PTPRK: variants seen among roughly 807,000 people sequenced by gnomAD.
The protein encoded by PTPRK is protein tyrosine phosphatase receptor type K, also known as receptor-type tyrosine-protein phosphatase kappa.
Under a neutral mutation model 178.0 loss-of-function variants are expected in PTPRK, and 75 were observed. The ratio of observed to expected loss-of-function variants is 0.42; its 90% CI spans 0.35 to 0.51. The LOEUF (loss-of-function observed/expected upper bound fraction) is 0.51. Ranked by LOEUF, PTPRK falls within the 20% of genes least tolerant of loss-of-function variation. The pLI is 0.02. For missense variants in PTPRK, 1,441 were observed against 1,797.8 expected (o/e 0.80, Z 3.59); for synonymous variants, 637 against 620.6 (o/e 1.03, Z -0.39).
intron 13 of PTPRK, among the ~76,000 whole-genome samples, chr6:128,022,223 G>A (rs2114765207): frequency 6.6e-6 from 1 of 152,280 alleles, no homozygotes; most frequent in African/African-American, 2.4e-5. Flanking sequence ...CCTGTTAGTG[G>A]CACAGTTGGA....
At chr6:128,194,046 G>T (rs902222239) in intron 6 of PTPRK, among the ~76,000 whole-genome samples, 1 of 141,958 alleles carries the variant, frequency 7.0e-6, no homozygotes, top group African/African-American at 2.7e-5. Context: ...ATGATAAATC[G>T]CAATAATATT....
intron 3 of PTPRK, among the ~76,000 whole-genome samples, chr6:128,298,408 C>T (rs368206987): frequency 2.0e-5 from 3 of 150,788 alleles, no homozygotes; most frequent in East Asian, 1.9e-4. Flanking sequence ...ATACCAAAGC[C>T]GGGCAGAGAC....
intron 14 of PTPRK, chr6:128,005,964 T>C: frequency 7.7e-7 from 1 of 1,290,960 alleles, no homozygotes; most frequent in Non-Finnish European, 1.0e-6. Context: ...TGTTTTGTTT[T>C]TGAAAAGGGA....
At chr6:128,045,878 G>T (rs927433732) in intron 13 of PTPRK, among the ~76,000 whole-genome samples, 2 of 151,972 alleles carry the variant, frequency 1.3e-5, no homozygotes, top group South Asian at 4.2e-4. Flanking sequence ...TTGACCACTC[G>T]TTAGCCTTTA....
At chr6:128,494,909 G>A (rs1268245274) in intron 1 of PTPRK, among the ~76,000 whole-genome samples, 1 of 152,140 alleles carries the variant, frequency 6.6e-6, no homozygotes, top group Non-Finnish European at 1.5e-5. Flanking sequence ...ACATTAGTAA[G>A]CAGTCACATT....
intron 2 of PTPRK, among the ~76,000 whole-genome samples, chr6:128,334,556 G>A (rs1221135043): frequency 2.0e-5 from 3 of 152,076 alleles, no homozygotes; most frequent in African/African-American, 4.8e-5. Context: ...ATAAGTAAAT[G>A]GCAAGTAATG....
rs139236389 is a variant in PTPRK, at chr6:128,401,137, A to G, written c.101-3449T>C. ...TACGCCAATCAATCAACTAAGGGAC[A>G]GATCTATCACCGAAATGGTCTGTTT... On this transcript the variant is annotated intron_variant, in intron 1 of 29. Coordinates refer to ENST00000368226, the MANE Select transcript of PTPRK (RefSeq NM_002844.4). 2.8e-3 allele frequency among the ~76,000 whole-genome samples: 422 copies of G among 152,312 alleles called. 2 individuals carry two copies. The highest frequency in any genetic ancestry group is 9.9e-3 in the African/African-American group (410 of 41,562).
intron 5 of PTPRK, among the ~76,000 whole-genome samples, chr6:128,222,011 C>T (rs961166721): frequency 6.6e-6 from 1 of 152,158 alleles, no homozygotes; most frequent in African/African-American, 2.4e-5. Flanking sequence ...ATCTGGGCTT[C>T]CTCTAGCTTA....
intron 7 of PTPRK, among the ~76,000 whole-genome samples, chr6:128,118,608 T>C (rs181224589): frequency 1.2e-3 from 186 of 152,328 alleles, no homozygotes; most frequent in Middle Eastern, 6.8e-3. Context: ...ATGTTCTTAA[T>C]CTATTCTTGT....
At chr6:127,992,160 T>C (rs1286871338) in intron 19 of PTPRK, among the ~76,000 whole-genome samples, 1 of 151,828 alleles carries the variant, frequency 6.6e-6, no homozygotes, top group African/African-American at 2.4e-5. Flanking sequence ...AGTGTACCAC[T>C]ATAACAAGAT....
chr6:128,188,005 G>A (rs918100508), intron 6 of PTPRK, among the ~76,000 whole-genome samples: 13 of 151,992 alleles, frequency 8.6e-5, no homozygotes, highest in Non-Finnish European at 1.8e-4. Context: ...GTTCACAAAT[G>A]AACAAGTAAT....
chr6:128,006,693 A>C (rs1778460765), intron 14 of PTPRK, among the ~76,000 whole-genome samples: 1 of 151,020 alleles, frequency 6.6e-6, no homozygotes, highest in Non-Finnish European at 1.5e-5. Context: ...TGTTTGAGTT[A>C]TTAATGTGTT....
chr6:128,294,936 G>A (rs991131229), intron 3 of PTPRK, among the ~76,000 whole-genome samples: 7 of 63,172 alleles, frequency 1.1e-4, no homozygotes, highest in Non-Finnish European at 2.0e-4. Context: ...TAGACTTTGA[G>A]GAACAAAGAG....
At chr6:127,975,461 A>G (rs181964104) in intron 27 of PTPRK, among the ~76,000 whole-genome samples, 1 of 152,278 alleles carries the variant, frequency 6.6e-6, no homozygotes, top group East Asian at 1.9e-4. Context: ...ATACATATAG[A>G]CTTATTAACC....
At chr6:128,470,403 G>GTT (rs36070444) in intron 1 of PTPRK, among the ~76,000 whole-genome samples, 5 of 149,564 alleles carry the variant, frequency 3.3e-5, no homozygotes, top group African/African-American at 9.8e-5. Flanking sequence ...CCTCTAATGC[G>GTT]TTTTTTTTTA....
At chr6:128,340,856 T>G in intron 2 of PTPRK, 1 of 430,808 alleles carries the variant, frequency 2.3e-6, no homozygotes, top group South Asian at 1.9e-5. Flanking sequence ...ATTTTTGTTA[T>G]TTTTCTTTAA....
chr6:128,287,454 G>T (rs568710336), intron 3 of PTPRK, among the ~76,000 whole-genome samples: 2 of 152,258 alleles, frequency 1.3e-5, no homozygotes, highest in South Asian at 2.1e-4. Flanking sequence ...TCTCCCAAGC[G>T]TGATGATAAT....
At chr6:128,036,788 T>G (rs760575244) in intron 13 of PTPRK, among the ~76,000 whole-genome samples, 1 of 151,662 alleles carries the variant, frequency 6.6e-6, no homozygotes. Context: ...CAGGCTGGAG[T>G]GCAATGGTGC....
chr6:128,510,607 A>C (rs943112150), intron 1 of PTPRK, among the ~76,000 whole-genome samples: 4 of 152,290 alleles, frequency 2.6e-5, no homozygotes, highest in African/African-American at 9.6e-5. Context: ...AAATAAATAA[A>C]TGCATACATG....
Sources: allele counts gnomAD v4.1 joint callset (sites outside exome capture counted in the v4.1 genomes callset), GRCh38; gene constraint gnomAD v4.1.1; transcripts MANE v1.5; gene names NCBI Gene and HGNC (gene_info 2026-07-23, HGNC 2026-07-21).